The following ZMYM5 variants were observed in gnomAD, a reference collection of about 807,000 sequenced individuals.
ZMYM5 encodes zinc finger MYM-type containing 5, also known as zinc finger MYM-type protein 5.
ZMYM5 carries 41 observed loss-of-function variants against 61.8 expected under a neutral mutation model. The ratio of observed to expected loss-of-function variants is 0.66; its 90% confidence interval spans 0.52 to 0.86. The LOEUF (loss-of-function observed/expected upper bound fraction) is 0.86, where lower values mean the gene tolerates loss of function less well. Among genes scored for constraint, ZMYM5 ranks in the 40% least tolerant of loss-of-function variants. The pLI, the probability that ZMYM5 is intolerant of heterozygous loss-of-function variation, is 0.00. For missense variants in ZMYM5, 706 were observed against 786.7 expected (o/e 0.90, Z 1.23); for synonymous variants, 257 against 276.4 (o/e 0.93, Z 0.70).
intron 2 of ZMYM5, among the ~76,000 whole-genome samples, chr13:19,860,492 A>T (rs1448618684): frequency 2.0e-5 from 3 of 147,556 alleles, no homozygotes; most frequent in Non-Finnish European, 4.5e-5. Context: ...TTGTAGTGAC[A>T]GGGTTTCTCC....
intron 7 of ZMYM5, among the ~76,000 whole-genome samples, chr13:19,834,105 T>C (rs932305918): frequency 2.6e-5 from 4 of 152,160 alleles, no homozygotes; most frequent in Non-Finnish European, 5.9e-5. Context: ...GCCTCCAGAG[T>C]AGCTGGGATT....
chr13:19,831,803 A>C lies in ZMYM5; in HGVS notation c.1251+3674T>G, dbSNP rs1044886299. On this transcript the variant is annotated intron_variant, in intron 7 of 7. Coordinates refer to ENST00000337963, the MANE Select transcript of ZMYM5 (RefSeq NM_001142684.2). ...ACTCTGTCTCAAAAAAAAAAAAAAA[A>C]AAAAAAAAAAACCATATGTATAGGT... Among the ~76,000 whole-genome samples, 32 of 150,652 alleles carry C rather than the reference A, an allele frequency of 2.1e-4. 1 individual carries two copies. The highest frequency in any genetic ancestry group is 4.7e-4 in the Admixed American group (7 of 15,028).
At position 19,835,462 on chromosome 13, in the gene ZMYM5, A is replaced by G. The variant is rs745756545; in HGVS notation, c.1251+15T>C. On this transcript the variant is annotated intron_variant, in intron 7 of 7. Transcript: ENST00000337963. ...CTATATATTTGATCATTTAAAGCTC[A>G]TGAAAAAGAATTACCTGTTTATATT... is the stretch of plus-strand genomic sequence containing the variant. 11 of 1,358,206 alleles carry G rather than the reference A, an allele frequency of 8.1e-6. No homozygotes were observed. The highest frequency in any genetic ancestry group is 1.1e-5 in the Non-Finnish European group (11 of 1,014,982). The allele number at this position is 1,358,206 out of a possible 1,614,324, so 84.1% of individuals were successfully genotyped here.
At chr13:19,860,435 T>A (rs1368699744) in intron 2 of ZMYM5, among the ~76,000 whole-genome samples, 1 of 96,864 alleles carries the variant, frequency 1.0e-5, no homozygotes, top group African/African-American at 3.4e-5. Context: ...TAATTTTGTG[T>A]GTGTGTGTGT....
At position 19,835,619 on chromosome 13, in the gene ZMYM5, C is replaced by G. The variant is rs1042434097; in HGVS notation, c.1109G>C (p.Arg370Thr). ...GTTCATTATTAGACCATTGGCCAAT[C>G]TGTACTTATTAAAGCAATGGTTACT... Reference protein sequence around the residue: ...LCSNHCFNKYRLANGLIMNCC... With the variant: ...LCSNHCFNKYTLANGLIMNCC... Residue 370 changes from arginine (R) to threonine (T), a missense_variant, in exon 7 of 8, where the codon AGA (arginine) becomes ACA (threonine). By Grantham distance (71) the Arg-to-Thr change is moderately conservative. This residue lies in a region of ZMYM5 where 480 missense variants were observed against 461.7 expected (regional missense o/e 1.04). Coordinates refer to ENST00000337963, the MANE Select transcript of ZMYM5 (RefSeq NM_001142684.2). 7.3e-7 allele frequency: 1 copy of G among 1,367,684 alleles called. No homozygotes were observed. Among genetic ancestry groups the G allele is most frequent in the Non-Finnish European group, 9.8e-7 (1 of 1,021,850 alleles). The allele number at this position is 1,367,684 out of a possible 1,614,324, so 84.7% of individuals were successfully genotyped here. A position where few individuals can be genotyped will look rare whatever the true frequency, so the allele number is the denominator to read the frequency against.
At chr13:19,859,104 C>A (rs1953626183) in intron 2 of ZMYM5, among the ~76,000 whole-genome samples, 1 of 151,984 alleles carries the variant, frequency 6.6e-6, no homozygotes, top group African/African-American at 2.4e-5. Context: ...TGCATTCCAG[C>A]CTGGGCAACA....
intron 2 of ZMYM5, among the ~76,000 whole-genome samples, chr13:19,861,175 C>T (rs1953747019): frequency 6.6e-6 from 1 of 151,902 alleles, no homozygotes; most frequent in Non-Finnish European, 1.5e-5. Context: ...TTGAGACAGA[C>T]TCTCTCTTTG....
Position 19,836,269 on chromosome 13 carries a change from CTTTT to C in ZMYM5, c.1039-584_1039-581del, listed in dbSNP as rs112921694. ...ACATTTAATAACAACAGATAATGAACTTTTTTTTTTTTTTTGAGACAAGTTTTTG... is the reference window on the plus strand; with the variant it reads ...ACATTTAATAACAACAGATAATGAACTTTTTTTTTTTGAGACAAGTTTTTG... On this transcript the variant is annotated intron_variant, in intron 6 of 7. Coordinates refer to ENST00000337963, the MANE Select transcript of ZMYM5 (RefSeq NM_001142684.2). 3.5e-5 allele frequency among the ~76,000 whole-genome samples: 5 copies of C among 144,594 alleles called. No homozygotes were observed. In the East Asian group the frequency reaches 1.0e-3, roughly 29 times the overall value. 94.9% of individuals were successfully genotyped at this position (144,594 alleles called of 152,430 possible).
In ZMYM5 at chr13:19,837,716, C is replaced by A; in HGVS notation, c.978G>T (p.Trp326Cys). 1 of 1,578,750 alleles carries A rather than the reference C, an allele frequency of 6.3e-7. No homozygotes were observed. Among genetic ancestry groups the A allele is most frequent in the South Asian group, 1.2e-5 (1 of 84,800 alleles). The stretch of plus-strand genomic sequence containing the variant: ...TATTAAAAACTCCTTTTTTAAGATT[C>A]CAGTTGTTTTCACAGGGAGACAAAC... ...TSCLSPCENN[W>C]NLKKGVFNKS... The change falls in exon 6 of 8, where the codon TGG becomes TGT. Residue 326 changes from tryptophan to cysteine, a missense_variant. Transcript: ENST00000337963.
chr13:19,826,381 G>C (rs1444074579), intron 7 of ZMYM5, among the ~76,000 whole-genome samples: 2 of 151,730 alleles, frequency 1.3e-5, no homozygotes, highest in African/African-American at 4.8e-5. Context: ...AATGAAACTG[G>C]AAGTTTGTCA....
rs1272009599 is a variant in ZMYM5, at chr13:19,838,753, A to G, written c.819T>C (p.Leu273=). Residue 273 remains leucine, a synonymous_variant, in exon 5 of 8, where the codon CTT becomes CTC. Transcript: ENST00000337963. The stretch of plus-strand genomic sequence containing the variant: ...GAGTACGTTTATGAGAGAAGGAAGA[A>G]AGGCAGGTGGTAGAGCAAAAGAGGT... The part of the protein sequence containing the change: ...SAHLFCSTTC[L]SSFSHKRTQN... 1 of 1,614,216 alleles carries G rather than the reference A, an allele frequency of 6.2e-7. No individual in the cohort carries two copies. The highest frequency in any genetic ancestry group is 8.5e-7 in the Non-Finnish European group (1 of 1,180,044).
At chr13:19,826,380 G>A (rs1890917188) in intron 7 of ZMYM5, among the ~76,000 whole-genome samples, 1 of 151,700 alleles carries the variant, frequency 6.6e-6, no homozygotes, top group Non-Finnish European at 1.5e-5. Flanking sequence ...AAATGAAACT[G>A]GAAGTTTGTC....
intron 4 of ZMYM5, among the ~76,000 whole-genome samples, chr13:19,844,288 C>T (rs142823926): frequency 3.9e-5 from 6 of 152,092 alleles, no homozygotes; most frequent in East Asian, 3.9e-4. Flanking sequence ...CCAGCCTGAG[C>T]GAAAGAGCCA....
intron 7 of ZMYM5, among the ~76,000 whole-genome samples, chr13:19,831,801 A>AC (rs1410449061): frequency 3.3e-5 from 5 of 150,602 alleles, no homozygotes; most frequent in Non-Finnish European, 5.9e-5. Flanking sequence ...AAAAAAAAAA[A>AC]AAAAAAAAAA....
Position 19,863,558 on chromosome 13 carries a change from G to A in ZMYM5, c.-187C>T, listed in dbSNP as rs1256671924. ...GGATAAGCGTCACCCGGTTCTGGCT[G>A]CGGCTGCGCGGAACGAACAAGCCCA... On this transcript the variant is annotated 5_prime_UTR_variant, in exon 1 of 8. Transcript: ENST00000337963. 1 of 152,926 alleles carries A rather than the reference G, an allele frequency of 6.5e-6. No individual in the cohort carries two copies. The highest frequency in any genetic ancestry group is 2.1e-4 in the South Asian group (1 of 4,828). The allele number at this position is 152,926 out of a possible 1,614,324, so 9.5% of individuals were successfully genotyped here. A position where few individuals can be genotyped will look rare whatever the true frequency, so the allele number is the denominator to read the frequency against.
At chr13:19,840,444 G>A (rs1260747997) in intron 4 of ZMYM5, among the ~76,000 whole-genome samples, 1 of 152,208 alleles carries the variant, frequency 6.6e-6, no homozygotes, top group African/African-American at 2.4e-5. Flanking sequence ...CATGATCACA[G>A]CTTACTGCAG....
chr13:19,838,698 A>T lies in ZMYM5; in HGVS notation c.872+2T>A, dbSNP rs1389217731. 6.2e-7 allele frequency: 1 copy of T among 1,613,786 alleles called. No homozygotes were observed. Among genetic ancestry groups the T allele is most frequent in the East Asian group, 2.2e-5 (1 of 44,876 alleles). ...GGAGAAATGTTGAAAGGTACTGCTT[A>T]CTTTTTACATATTATGCTTCGTGTG... On this transcript the variant is annotated splice_donor_variant, in intron 5 of 7. Transcript: ENST00000337963. LOFTEE classifies it high-confidence loss of function.
intron 4 of ZMYM5, among the ~76,000 whole-genome samples, chr13:19,842,655 T>TAAAAAA (rs568928054): frequency 7.5e-6 from 1 of 133,720 alleles, no homozygotes. Flanking sequence ...TTTTTTTAAT[T>TAAAAAA]AAAAAAAAAA....
intron 7 of ZMYM5, among the ~76,000 whole-genome samples, chr13:19,828,916 C>T (rs1360789567): frequency 1.3e-5 from 2 of 152,106 alleles, no homozygotes; most frequent in East Asian, 1.9e-4. Flanking sequence ...GCATATAAGG[C>T]GGTGGTCCCC....
Sources: allele counts gnomAD v4.1 joint callset (sites outside exome capture counted in the v4.1 genomes callset), GRCh38; gene constraint gnomAD v4.1.1; regional missense constraint gnomAD v4.1.1; transcripts MANE v1.5; gene names NCBI Gene and HGNC (gene_info 2026-07-23, HGNC 2026-07-21).